Variants in GNA12 observed in about 807,000 individuals in gnomAD.
GNA12 encodes the protein G protein subunit alpha 12, also known as guanine nucleotide-binding protein subunit alpha-12.
In GNA12, 9 loss-of-function variants were observed where a neutral mutation model predicts 26.0. That is an observed-to-expected ratio of 0.35 (90% CI 0.21 to 0.60). The LOEUF (loss-of-function observed/expected upper bound fraction) is 0.60. Among genes scored for constraint, GNA12 ranks in the 20% least tolerant of loss-of-function variants. The probability of loss-of-function intolerance (pLI) is 0.78; values close to 1 mark genes in which losing one functional copy is unlikely to be tolerated. For synonymous variants in GNA12, 264 were observed against 219.6 expected (o/e 1.20, Z -1.79); for missense variants, 405 against 525.8 (o/e 0.77, Z 2.25).
intron 2 of GNA12, among the ~76,000 whole-genome samples, chr7:2,780,504 T>G (rs902882189): frequency 1.3e-5 from 2 of 152,082 alleles, no homozygotes; most frequent in African/African-American, 4.8e-5. Flanking sequence ...ATCAAAACAC[T>G]CGCTCTGTCT....
intron 2 of GNA12, among the ~76,000 whole-genome samples, chr7:2,760,856 G>A (rs1299916548): frequency 1.3e-5 from 2 of 152,206 alleles, no homozygotes; most frequent in African/African-American, 4.8e-5. Context: ...CTGGTGACAC[G>A]AGGAACAGAA....
chr7:2,747,271 A>G (rs557389435), intron 2 of GNA12, among the ~76,000 whole-genome samples: 3 of 152,172 alleles, frequency 2.0e-5, no homozygotes, highest in Admixed American at 1.3e-4. Context: ...AAAATCCTCA[A>G]TAAAATACTG....
intron 2 of GNA12, among the ~76,000 whole-genome samples, chr7:2,773,080 G>C (rs142283020): frequency 6.6e-6 from 1 of 152,242 alleles, no homozygotes; most frequent in African/African-American, 2.4e-5. Flanking sequence ...TACAGTGATG[G>C]AAGTGAAACT....
At position 2,763,016 on chromosome 7, in the gene GNA12, C is replaced by T. The variant is rs563265066; in HGVS notation, c.526-29515G>A. ...CTACTGTGGTCGCCAACAGCCCCGC[C>T]GGCCACTGGCCCAGGACTCAGCGTG... On this transcript the variant is annotated intron_variant, in intron 2 of 3. Coordinates refer to ENST00000275364, the MANE Select transcript of GNA12 (RefSeq NM_007353.3). 395 of 1,277,406 alleles carry T rather than the reference C, an allele frequency of 3.1e-4. 11 individuals are homozygous for T. In the South Asian group the frequency reaches 8.6e-3, roughly 28 times the overall value. 79.1% of individuals were successfully genotyped at this position (1,277,406 alleles called of 1,614,324 possible).
At chr7:2,825,639 G>A (rs149869113) in intron 1 of GNA12, among the ~76,000 whole-genome samples, 21 of 152,258 alleles carry the variant, frequency 1.4e-4, no homozygotes, top group East Asian at 7.7e-4. Flanking sequence ...GCTGATGGGA[G>A]GCTGAGGGCC....
chr7:2,776,673 C>T (rs1052581089), intron 2 of GNA12, among the ~76,000 whole-genome samples: 1 of 152,234 alleles, frequency 6.6e-6, no homozygotes, highest in Non-Finnish European at 1.5e-5. Flanking sequence ...TCCTTCCTTG[C>T]ATCACCTCAG....
chr7:2,801,274 T>G (rs1035419183), intron 1 of GNA12, among the ~76,000 whole-genome samples: 12 of 152,356 alleles, frequency 7.9e-5, no homozygotes, highest in African/African-American at 2.9e-4. Context: ...ATGAAAAGTT[T>G]AGCTTCACAA....
In GNA12 at chr7:2,794,985, T is replaced by G. The variant is rs560890439; in HGVS notation, c.468A>C (p.Ala156=). ...TFQLYVPALS[A]LWRDSGIREA... is the part of the protein sequence containing the mutation. ...CCCTGATGCCAGAATCCCTCCAGAG[T>G]GCGCTCAGGGCCGGGACGTACAGCT... The change falls in exon 2 of 4, where the codon GCA becomes GCC. Residue 156 remains alanine (A), a synonymous_variant. Coordinates refer to ENST00000275364, the MANE Select transcript of GNA12 (RefSeq NM_007353.3). 8.0e-5 allele frequency: 129 copies of G among 1,614,118 alleles called. No individual in the cohort carries two copies. In the South Asian group the frequency reaches 1.4e-3, roughly 17 times the overall value.
intron 1 of GNA12, among the ~76,000 whole-genome samples, chr7:2,797,260 G>A (rs778754751): frequency 8.6e-5 from 13 of 152,046 alleles, no homozygotes; most frequent in African/African-American, 1.5e-4. Context: ...ATCCTTGCCC[G>A]TAGCCTCTCA....
At chr7:2,807,789 A>G (rs1414807510) in intron 1 of GNA12, among the ~76,000 whole-genome samples, 3 of 152,222 alleles carry the variant, frequency 2.0e-5, no homozygotes, top group Non-Finnish European at 2.9e-5. Flanking sequence ...GCACTTGGAC[A>G]TGGCAATAAT....
At chr7:2,820,692 G>A (rs890805208) in intron 1 of GNA12, among the ~76,000 whole-genome samples, 11 of 152,124 alleles carry the variant, frequency 7.2e-5, no homozygotes, top group African/African-American at 2.4e-4. Context: ...GACCACCCTG[G>A]CCTCTGCCCT....
rs560890439 is a variant in GNA12 at position 2,794,985 on chromosome 7, T to C, written c.468A>G (p.Ala156=). 2 of 1,614,118 alleles carry C rather than the reference T, an allele frequency of 1.2e-6. No individual in the cohort carries two copies. Among genetic ancestry groups the C allele is most frequent in the Non-Finnish European group, 8.5e-7 (1 of 1,180,010 alleles). ...CCCTGATGCCAGAATCCCTCCAGAGTGCGCTCAGGGCCGGGACGTACAGCT... is the reference window on the plus strand; with the variant it reads ...CCCTGATGCCAGAATCCCTCCAGAGCGCGCTCAGGGCCGGGACGTACAGCT... ...TFQLYVPALS[A]LWRDSGIREA... is the part of the protein sequence containing the mutation. Residue 156 remains alanine (A), a synonymous_variant, in exon 2 of 4, where the codon GCA becomes GCG. Coordinates refer to ENST00000275364, the MANE Select transcript of GNA12 (RefSeq NM_007353.3).
chr7:2,831,615 G>C (rs1305296412), intron 1 of GNA12, among the ~76,000 whole-genome samples: 1 of 151,948 alleles, frequency 6.6e-6, no homozygotes, highest in Non-Finnish European at 1.5e-5. Context: ...GTGTTAGCCA[G>C]GATGGTCTCG....
intron 1 of GNA12, among the ~76,000 whole-genome samples, chr7:2,826,684 G>C (rs965172062): frequency 6.6e-6 from 1 of 152,222 alleles, no homozygotes; most frequent in Non-Finnish European, 1.5e-5. Flanking sequence ...AGAAGCCCAT[G>C]TGAAAAGGCT....
At chr7:2,751,202 G>T (rs1437660190) in intron 2 of GNA12, among the ~76,000 whole-genome samples, 2 of 151,842 alleles carry the variant, frequency 1.3e-5, no homozygotes, top group Non-Finnish European at 2.9e-5. Flanking sequence ...TGGGCAACAT[G>T]GTAAAACCCC....
chr7:2,785,861 A>G (rs916974919), intron 2 of GNA12, among the ~76,000 whole-genome samples: 7 of 152,248 alleles, frequency 4.6e-5, no homozygotes, highest in African/African-American at 1.7e-4. Context: ...AGCCTGGCCA[A>G]CATGGCGAAA....
chr7:2,809,649 C>T (rs1295790507), intron 1 of GNA12, among the ~76,000 whole-genome samples: 2 of 151,912 alleles, frequency 1.3e-5, no homozygotes, highest in African/African-American at 2.4e-5. Flanking sequence ...CCCCAAGGAA[C>T]AGTACAATAA....
At chr7:2,736,630 G>C (rs750918744) in intron 2 of GNA12, among the ~76,000 whole-genome samples, 1 of 152,224 alleles carries the variant, frequency 6.6e-6, no homozygotes, top group Non-Finnish European at 1.5e-5. Context: ...CACTGGGCAG[G>C]ACCTAGGCCG....
chr7:2,832,240 T>C (rs137950451), intron 1 of GNA12, among the ~76,000 whole-genome samples: 1 of 152,340 alleles, frequency 6.6e-6, no homozygotes, highest in Non-Finnish European at 1.5e-5. Context: ...GCTCATGCCC[T>C]GTCCTCCCGT....
Sources: allele counts gnomAD v4.1 joint callset (sites outside exome capture counted in the v4.1 genomes callset), GRCh38; gene constraint gnomAD v4.1.1; transcripts MANE v1.5; gene names NCBI Gene and HGNC (gene_info 2026-07-23, HGNC 2026-07-21).